Variants in FRMPD4 observed in about 807,000 individuals in gnomAD.
FRMPD4 encodes FERM and PDZ domain-containing protein 4.
In FRMPD4, 22 loss-of-function variants were observed where a neutral mutation model predicts 94.1. The observed-to-expected ratio is 0.23, with a 90% CI of 0.17 to 0.33. The LOEUF (loss-of-function observed/expected upper bound fraction) is 0.33. FRMPD4 is among the 10% of genes least tolerant of loss of function. The probability of loss-of-function intolerance (pLI) is 1.00; values close to 1 mark genes in which losing one functional copy is unlikely to be tolerated. For synonymous variants in FRMPD4, 631 were observed against 548.6 expected (o/e 1.15, Z -2.10); for missense variants, 1,111 against 1,339.9 (o/e 0.83, Z 2.67).
chrX:12,027,200 A>C (rs914309560), intron 3 of FRMPD4, among the ~76,000 whole-genome samples: 24 of 112,179 alleles, frequency 2.1e-4, no homozygotes, highest in African/African-American at 7.1e-4. Flanking sequence ...GAAGTAATCT[A>C]ATCTAGGGCT....
At chrX:12,415,216 G>A (rs914157614) in intron 1 of FRMPD4, among the ~76,000 whole-genome samples, 2 of 111,748 alleles carry the variant, frequency 1.8e-5, no homozygotes, top group African/African-American at 6.5e-5. Flanking sequence ...AATCATCGTG[G>A]AGGCACATAA....
At chrX:12,607,534 T>A (rs2059142965) in intron 2 of FRMPD4, among the ~76,000 whole-genome samples, 1 of 111,996 alleles carries the variant, frequency 8.9e-6, no homozygotes. Context: ...TTTGCACTGT[T>A]TCTGCAAATT....
At chrX:11,863,466 G>T (rs2053700198) in intron 1 of FRMPD4, among the ~76,000 whole-genome samples, 1 of 110,825 alleles carries the variant, frequency 9.0e-6, no homozygotes, top group African/African-American at 3.3e-5. Flanking sequence ...ATTTTTTTAG[G>T]AGACTTTGGT....
Position 12,493,087 on chromosome X carries a change from T to C in FRMPD4, c.42-5593T>C, listed in dbSNP as rs185718569. Among the ~76,000 whole-genome samples, 86 of 111,426 alleles carry C rather than the reference T, an allele frequency of 7.7e-4. No homozygotes were observed. The East Asian group carries it at 0.021, about 27-fold the overall frequency. On this transcript the variant is annotated intron_variant, in intron 1 of 16. Coordinates refer to ENST00000675598, the MANE Select transcript of FRMPD4 (RefSeq NM_001368397.1). ...GCTGGGCACAAAAGAAACATGGCTG[T>C]CTTCAAAACTTGGAGCTTGTTAAAT...
At chrX:12,287,095 T>A (rs187055873) in intron 1 of FRMPD4, among the ~76,000 whole-genome samples, 159 of 112,576 alleles carry the variant, frequency 1.4e-3, no homozygotes, top group African/African-American at 4.8e-3. Flanking sequence ...ATGTCTGATA[T>A]GTTCTGTGCA....
intron 3 of FRMPD4, among the ~76,000 whole-genome samples, chrX:11,951,473 T>TA (rs1253911747): frequency 1.8e-5 from 2 of 111,859 alleles, no homozygotes; most frequent in Non-Finnish European, 3.8e-5. Context: ...CCATTATCCT[T>TA]AGCAAACTAA....
At chrX:12,084,177 T>TGGG (rs370234603) in intron 3 of FRMPD4, among the ~76,000 whole-genome samples, 1,219 of 53,783 alleles carry the variant, frequency 0.023, 57 homozygotes, top group East Asian at 0.18. Context: ...AGGGACCCAG[T>TGGG]GGGGGGGGGG....
chrX:12,479,492 G>A (rs936917644), intron 1 of FRMPD4, among the ~76,000 whole-genome samples: 14 of 95,307 alleles, frequency 1.5e-4, no homozygotes, highest in Non-Finnish European at 2.3e-4. Context: ...ATATATATAC[G>A]TATATATTAT....
At chrX:12,427,955 A>G (rs1348088867) in intron 1 of FRMPD4, among the ~76,000 whole-genome samples, 1 of 81,012 alleles carries the variant, frequency 1.2e-5, no homozygotes, top group African/African-American at 5.2e-5. Flanking sequence ...TGTCTCCCAC[A>G]CTGGAGTGCA....
intron 1 of FRMPD4, among the ~76,000 whole-genome samples, chrX:12,165,217 A>C (rs781723752): frequency 2.7e-5 from 3 of 112,116 alleles, no homozygotes; most frequent in South Asian, 7.4e-4. Context: ...ATCTTGAATT[A>C]ATTTTTGTAT....
At chrX:11,972,289 G>T (rs1010889240) in intron 3 of FRMPD4, among the ~76,000 whole-genome samples, 1 of 111,356 alleles carries the variant, frequency 9.0e-6, no homozygotes, top group Non-Finnish European at 1.9e-5. Context: ...AAGAATTGTT[G>T]GGGAAGAAAA....
At chrX:12,237,908 T>G (rs2057088598) in intron 1 of FRMPD4, among the ~76,000 whole-genome samples, 1 of 112,110 alleles carries the variant, frequency 8.9e-6, no homozygotes, top group African/African-American at 3.2e-5. Flanking sequence ...AGGTTGCCAT[T>G]CAGAAGCAGT....
At chrX:11,836,150 C>G (rs1229841951) in intron 1 of FRMPD4, among the ~76,000 whole-genome samples, 1 of 111,390 alleles carries the variant, frequency 9.0e-6, no homozygotes, top group Non-Finnish European at 1.9e-5. Flanking sequence ...ATATCTTTTC[C>G]TCTTGGTGAT....
chrX:12,419,750 T>G (rs1445238100), intron 1 of FRMPD4, among the ~76,000 whole-genome samples: 1 of 111,665 alleles, frequency 9.0e-6, no homozygotes, highest in Non-Finnish European at 1.9e-5. Context: ...TCATTCACAC[T>G]GTTCTTGACC....
upstream of FRMPD4, among the ~76,000 whole-genome samples, chrX:12,138,166 G>T (rs2055627709): frequency 8.9e-6 from 1 of 112,483 alleles, no homozygotes; most frequent in Non-Finnish European, 1.9e-5. Context: ...AGCCCGCTGC[G>T]CCTGGCATCT....
At chrX:11,838,547 T>A (rs1234316111) in intron 1 of FRMPD4, among the ~76,000 whole-genome samples, 2 of 111,514 alleles carry the variant, frequency 1.8e-5, no homozygotes, top group East Asian at 5.6e-4. Flanking sequence ...CGTATAGAGT[T>A]GTGTAACTAT....
intron 1 of FRMPD4, among the ~76,000 whole-genome samples, chrX:12,366,692 C>T (rs1422886331): frequency 8.9e-6 from 1 of 112,332 alleles, no homozygotes; most frequent in Non-Finnish European, 1.9e-5. Flanking sequence ...CCAGTCCTTG[C>T]TCTGATGGAT....
At chrX:12,690,726 G>C (rs926519584) in intron 8 of FRMPD4, among the ~76,000 whole-genome samples, 2 of 111,560 alleles carry the variant, frequency 1.8e-5, no homozygotes, top group African/African-American at 6.5e-5. Flanking sequence ...GAAATTCTGG[G>C]TGCATACTTA....
intron 3 of FRMPD4, among the ~76,000 whole-genome samples, chrX:11,917,989 G>T (rs1344002560): frequency 9.0e-6 from 1 of 111,603 alleles, no homozygotes; most frequent in African/African-American, 3.3e-5. Context: ...TGAGGCAAAG[G>T]TGACTAGAAC....
Sources: gnomAD v4.1 joint callset for allele counts (sites outside exome capture counted in the v4.1 genomes callset) on GRCh38, gnomAD v4.1.1 for gene constraint, MANE v1.5 for transcripts, NCBI Gene and HGNC (gene_info 2026-07-23, HGNC 2026-07-21) for gene names.